The following QARS1 variants were observed in gnomAD, a reference collection of about 807,000 sequenced individuals.
The protein encoded by QARS1 is glutaminyl-tRNA synthetase 1, also known as glutamine--tRNA ligase.
QARS1 carries 79 observed loss-of-function variants against 106.9 expected under a neutral mutation model. The observed-to-expected ratio is 0.74, with a 90% confidence interval of 0.62 to 0.89. The LOEUF is 0.89. QARS1 is among the 40% of genes least tolerant of loss of function. QARS1 has a pLI of 0.00. For synonymous variants in QARS1, 395 were observed against 367.7 expected (o/e 1.07, Z -0.85); for missense variants, 966 against 997.2 (o/e 0.97, Z 0.42).
In QARS1 at chr3:49,101,635, C is replaced by T; in HGVS notation, c.774G>A (p.Glu258=). Residue 258 remains glutamate (E), a synonymous_variant, in exon 9 of 24, where the codon GAG becomes GAA. Transcript: ENST00000306125. The part of the protein sequence containing the change: ...HTMNLLKQHL[E]ITGGQVRTRF... ...CCCCACACACCTGCCCACCAGTAAT[C>T]TCCAGGTGCTGCTTTAGTAGATTCA... is the stretch of plus-strand genomic sequence containing the variant. The T allele has an allele frequency of 1.2e-6, 2 of 1,613,834 alleles. No individual in the cohort carries two copies. Among genetic ancestry groups the T allele is most frequent in the Non-Finnish European group, 1.7e-6 (2 of 1,180,008 alleles).
Position 49,100,430 on chromosome 3 carries a change from CGCATAT to C in QARS1, c.999_1004del (p.Tyr334_Ala335del). The C allele has an allele frequency of 6.2e-7, 1 of 1,614,212 alleles. No homozygotes were observed. The highest frequency in any genetic ancestry group is 8.5e-7 in the Non-Finnish European group (1 of 1,180,040). ...CATATAGCTGGTCAAAATAGTCAGA[CGCATAT>C]GTGACTTTGTAAGGTGTGTAGCCTG... On this transcript the variant is annotated inframe_deletion, in exon 12 of 24. Transcript: ENST00000306125.
intron 5 of QARS1, 162 bp downstream of exon 5, chr3:49,103,183 C>T (rs1336497163): frequency 2.7e-6 from 2 of 742,034 alleles, no homozygotes; most frequent in African/African-American, 3.5e-5. Context: ...GTCTTGAACT[C>T]CTGGGCTCAA....
At chr3:49,104,034 C>G in intron 2 of QARS1, 62 bp from the exon 3 acceptor site, 2 of 1,449,782 alleles carry the variant, frequency 1.4e-6, no homozygotes, top group East Asian at 2.4e-5. Context: ...CAGACAGGGT[C>G]CTAATCTCAT....
rs1428722807 is a variant in QARS1 at position 49,101,843 on chromosome 3, T to G, written c.688A>C (p.Lys230Gln). 3 of 1,612,592 alleles carry G rather than the reference T, an allele frequency of 1.9e-6. No homozygotes were observed. Among genetic ancestry groups the G allele is most frequent in the Non-Finnish European group, 2.5e-6 (3 of 1,179,246 alleles). ...GCCCACTAACCAGGCTTGTGGAACT[T>G]AAGGGCCTCCCCCCGGAGCTGCTCC... The part of the protein sequence containing the change: ...LMEQLRGEAL[K>Q]FHKPGENYKT... Residue 230 changes from lysine (K) to glutamine (Q), a missense_variant, in exon 8 of 24, where the codon AAG (lysine) becomes CAG (glutamine). Physicochemically the swap from Lys to Gln is moderately conservative, Grantham distance 53. Coordinates refer to ENST00000306125, the MANE Select transcript of QARS1 (RefSeq NM_005051.3).
rs1019425637 is a variant in QARS1, at chr3:49,102,540, C to T, written c.517-68G>A. The T allele has an allele frequency of 4.5e-6, 7 of 1,560,638 alleles. No homozygotes were observed. The African/African-American group carries it at 6.8e-5, about 15-fold the overall frequency. Reference sequence around the variant, plus strand: ...TTCAAGGAGCCCCTGACTGATCCTACCCACCAACCCAAGGCTTCCTGGCCT... The same window carrying T: ...TTCAAGGAGCCCCTGACTGATCCTATCCACCAACCCAAGGCTTCCTGGCCT... On this transcript the variant is annotated intron_variant, in intron 5 of 23. Coordinates refer to ENST00000306125, the MANE Select transcript of QARS1 (RefSeq NM_005051.3).
chr3:49,102,658 C>G, intron 5 of QARS1, 186 bp from the exon 6 acceptor site: 1 of 663,150 alleles, frequency 1.5e-6, no homozygotes, highest in Non-Finnish European at 2.7e-6. Context: ...TCTTGTTGCC[C>G]AGACTGGAGT....
In QARS1 at chr3:49,098,405, TA is replaced by T; in HGVS notation, c.2031del (p.Phe677LeufsTer9). On this transcript the variant is annotated frameshift_variant, in exon 21 of 24. Coordinates refer to ENST00000306125, the MANE Select transcript of QARS1 (RefSeq NM_005051.3). LOFTEE classifies it high-confidence loss of function. The part of the protein sequence containing the change: ...RADAGEKPKA[F>X]IHWVSQPLMC... ...ATCAAAGGCTGTGACACCCAGTGAA[TA>T]AAGGCCTTTGGCTTCTCTCCAGCAT... 1 of 1,614,158 alleles carries T rather than the reference TA, an allele frequency of 6.2e-7. No homozygotes were observed. Among genetic ancestry groups the T allele is most frequent in the Non-Finnish European group, 8.5e-7 (1 of 1,180,034 alleles).
Position 49,100,216 on chromosome 3 carries a change from T to C in QARS1, c.1138A>G (p.Met380Val). Residue 380 changes from methionine (M) to valine (V), a missense_variant, in exon 13 of 24, where the codon ATG (methionine) becomes GTG (valine). By Grantham distance (21) the Met-to-Val change is conservative. Coordinates refer to ENST00000306125, the MANE Select transcript of QARS1 (RefSeq NM_005051.3). ...TCAAAGAGCAGCAGTGACTCCTCCA[T>C]GGGACGGTCTCTCCAGGGTGAAGGC... ...TLPSPWRDRP[M>V]EESLLLFEAM... 6.2e-7 allele frequency: 1 copy of C among 1,614,230 alleles called. No homozygotes were observed. The highest frequency in any genetic ancestry group is 8.5e-7 in the Non-Finnish European group (1 of 1,180,032).
At chr3:49,102,512 T>C (rs1361881438) in intron 5 of QARS1, 40 bp from the exon 6 acceptor site, 2 of 1,609,860 alleles carry the variant, frequency 1.2e-6, no homozygotes, top group Admixed American at 1.7e-5. Context: ...AGGAGTATCC[T>C]CTTTCAAGGA....
At chr3:49,101,274 C>G (rs757003377) in intron 10 of QARS1, 81 bp downstream of exon 10, 3 of 1,122,434 alleles carry the variant, frequency 2.7e-6, no homozygotes, top group Non-Finnish European at 2.6e-6. Flanking sequence ...TGGGAGCAGA[C>G]AGCAAGGCAG....
chr3:49,101,381 T>C lies in QARS1; in HGVS notation c.850A>G (p.Ile284Val). Residue 284 changes from isoleucine (I) to valine (V), a missense_variant, in exon 10 of 24, where the codon ATC (isoleucine) becomes GTC (valine). Coordinates refer to ENST00000306125, the MANE Select transcript of QARS1 (RefSeq NM_005051.3). ...TTGGCATAGCCAAAGTTGAAATTGA[T>C]GGCTTTGGCATGTCCAATATGCAGG... ...GILHIGHAKA[I>V]NFNFGYAKAN... The C allele has an allele frequency of 6.2e-7, 1 of 1,613,906 alleles. No individual in the cohort carries two copies. The highest frequency in any genetic ancestry group is 8.5e-7 in the Non-Finnish European group (1 of 1,179,830).
intron 2 of QARS1, 22 bp downstream of exon 2, chr3:49,104,302 G>A (rs761965444): frequency 6.2e-7 from 1 of 1,612,784 alleles, no homozygotes; most frequent in South Asian, 1.1e-5. Context: ...GTGCGAACTG[G>A]CAGGACAGGT....
chr3:49,104,599 G>T lies in QARS1; in HGVS notation c.117+18C>A, dbSNP rs750107207. On this transcript the variant is annotated intron_variant, in intron 1 of 23. Coordinates refer to ENST00000306125, the MANE Select transcript of QARS1 (RefSeq NM_005051.3). The stretch of plus-strand genomic sequence containing the variant: ...CAGCATGGTCTGCAAACCAGGCCGG[G>T]GGCAGAGGGGCTCGCACCTGAGTAG... 6.3e-7 allele frequency: 1 copy of T among 1,598,672 alleles called. No individual in the cohort carries two copies. Among genetic ancestry groups the T allele is most frequent in the Admixed American group, 1.7e-5 (1 of 59,256 alleles).
In QARS1 at chr3:49,095,968, T is replaced by C; in HGVS notation, c.*61A>G. ...TTAGCTGTTCTTTATTGACATGGAA[T>C]TTGGGGTGGCGAGGGTAGCCACACC... is the stretch of plus-strand genomic sequence containing the variant. On this transcript the variant is annotated 3_prime_UTR_variant, in exon 24 of 24. Coordinates refer to ENST00000306125, the MANE Select transcript of QARS1 (RefSeq NM_005051.3). The C allele has an allele frequency of 6.7e-7, 1 of 1,490,966 alleles. No homozygotes were observed. The highest frequency in any genetic ancestry group is 9.3e-7 in the Non-Finnish European group (1 of 1,074,934). 92.4% of individuals were successfully genotyped at this position (1,490,966 alleles called of 1,614,324 possible). A position where few individuals can be genotyped will look rare whatever the true frequency, so the allele number is the denominator to read the frequency against.
chr3:49,100,561 T>C lies in QARS1; in HGVS notation c.976+14A>G. ...ACTAACCACCAGCCCTTCTAGGCTT[T>C]GCCTAGTCCATACCTAGCCAGGCTA... On this transcript the variant is annotated intron_variant, in intron 11 of 23. Transcript: ENST00000306125. The C allele has an allele frequency of 1.3e-6, 2 of 1,593,216 alleles. No individual in the cohort carries two copies. The highest frequency in any genetic ancestry group is 1.7e-6 in the Non-Finnish European group (2 of 1,160,992).
chr3:49,104,699 C>A lies in QARS1; in HGVS notation c.35G>T (p.Ser12Ile). The change falls in exon 1 of 24, where the codon AGC (serine) becomes ATC (isoleucine). Residue 12 changes from serine to isoleucine, a missense_variant. Coordinates refer to ENST00000306125, the MANE Select transcript of QARS1 (RefSeq NM_005051.3). ...GGCCTTCTGCTCGCTCAGGCCGAGG[C>A]TAGTGAAGAGCGACAGGGAGTCTAG... ...AALDSLSLFT[S>I]LGLSEQKARE... 6.2e-7 allele frequency: 1 copy of A among 1,612,754 alleles called. No individual in the cohort carries two copies. The highest frequency in any genetic ancestry group is 1.1e-5 in the South Asian group (1 of 91,082).
intron 2 of QARS1, 100 bp from the exon 3 acceptor site, chr3:49,104,072 G>T: frequency 8.0e-7 from 1 of 1,250,396 alleles, no homozygotes; most frequent in Non-Finnish European, 1.2e-6. Flanking sequence ...CTGGCCTCCT[G>T]AAAAGTTAAG....
chr3:49,100,023 G>A lies in QARS1; in HGVS notation c.1233C>T (p.Gly411=). ...CTCGATAGGCTACAGGGTCCATCTT[G>A]CCATCCTCCATCACCAGCTTCATCC... is the stretch of plus-strand genomic sequence containing the variant. The part of the protein sequence containing the change: ...TLRMKLVMED[G]KMDPVAYRVK... The change falls in exon 14 of 24, where the codon GGC becomes GGT. Residue 411 remains glycine, a synonymous_variant. Transcript: ENST00000306125. 6.2e-7 allele frequency: 1 copy of A among 1,614,210 alleles called. No homozygotes were observed. Among genetic ancestry groups the A allele is most frequent in the South Asian group, 1.1e-5 (1 of 91,084 alleles).
Position 49,096,047 on chromosome 3 carries a change from T to G in QARS1, c.2310A>C (p.Glu770Asp), listed in dbSNP as rs1465926273. 1 of 1,613,966 alleles carries G rather than the reference T, an allele frequency of 6.2e-7. No homozygotes were observed. The highest frequency in any genetic ancestry group is 1.7e-5 in the Admixed American group (1 of 60,000). The change falls in exon 24 of 24, where the codon GAA becomes GAC. Residue 770 changes from glutamate to aspartate, a missense_variant. Transcript: ENST00000306125. ...TTCCAGCTCACACCTTTCCTGGGTC[T>G]TCCTTCAGTGTGACAGTTCGGTTAA... is the stretch of plus-strand genomic sequence containing the variant. Reference protein sequence around the residue: ...LVFNRTVTLKEDPGKV With the variant: ...LVFNRTVTLKDDPGKV
Sources: allele counts gnomAD v4.1 joint callset, GRCh38; gene constraint gnomAD v4.1.1; transcripts MANE v1.5; gene names NCBI Gene and HGNC (gene_info 2026-07-23, HGNC 2026-07-21).